The following AUTS2 variants were observed in gnomAD, a reference collection of about 807,000 sequenced individuals.
AUTS2 encodes activator of transcription and developmental regulator AUTS2.
A neutral mutation model predicts 112.4 loss-of-function variants in AUTS2; 17 were observed. The ratio of observed to expected loss-of-function variants is 0.15; its 90% CI spans 0.10 to 0.23. AUTS2 has a LOEUF of 0.23. Among genes scored for constraint, AUTS2 ranks in the 10% least tolerant of loss-of-function variants. AUTS2 has a pLI of 1.00. For synonymous variants in AUTS2, 751 were observed against 702.7 expected (o/e 1.07, Z -1.09); for missense variants, 1,510 against 1,701.6 (o/e 0.89, Z 1.98).
intron 5 of AUTS2, among the ~76,000 whole-genome samples, chr7:70,495,121 C>G (rs945749995): frequency 2.0e-5 from 3 of 151,472 alleles, no homozygotes; most frequent in Non-Finnish European, 4.4e-5. Flanking sequence ...TCCTTGGTCT[C>G]GTGCCGACCC....
At chr7:70,077,952 A>G (rs1401605871) in intron 2 of AUTS2, among the ~76,000 whole-genome samples, 1 of 152,150 alleles carries the variant, frequency 6.6e-6, no homozygotes, top group Non-Finnish European at 1.5e-5. Flanking sequence ...ATTCTGGAAG[A>G]TTTAATATTC....
At position 69,672,592 on chromosome 7, in the gene AUTS2, T is replaced by G. The variant is rs530133845; in HGVS notation, c.309+72630T>G. Among the ~76,000 whole-genome samples, 8 of 152,284 alleles carry G rather than the reference T, an allele frequency of 5.3e-5. No individual in the cohort carries two copies. In the South Asian group the frequency reaches 1.7e-3, roughly 32 times the overall value. Reference sequence around the variant, plus strand: ...AAGGACTGGCTTGAGCCAAGGACAATTTTTAGAACATGTCGAGGAGAGGAT... The same window carrying G: ...AAGGACTGGCTTGAGCCAAGGACAAGTTTTAGAACATGTCGAGGAGAGGAT... On this transcript the variant is annotated intron_variant, in intron 1 of 18. Coordinates refer to ENST00000342771, the MANE Select transcript of AUTS2 (RefSeq NM_015570.4).
At chr7:69,773,536 G>A (rs1487331280) in intron 1 of AUTS2, among the ~76,000 whole-genome samples, 6 of 149,648 alleles carry the variant, frequency 4.0e-5, no homozygotes, top group African/African-American at 4.9e-5. Flanking sequence ...GGCTACAACA[G>A]AAAGGCTTTT....
intron 5 of AUTS2, among the ~76,000 whole-genome samples, chr7:70,687,182 C>T (rs1308810395): frequency 2.6e-5 from 4 of 152,118 alleles, no homozygotes; most frequent in Non-Finnish European, 5.9e-5. Flanking sequence ...AAATGCAGGT[C>T]GCTAGACCCC....
At chr7:69,626,336 T>A (rs185339513) in intron 1 of AUTS2, among the ~76,000 whole-genome samples, 153 of 152,338 alleles carry the variant, frequency 1.0e-3, no homozygotes, top group East Asian at 2.9e-3. Context: ...TATTATTATT[T>A]TTTTTTGCTA....
chr7:70,381,084 A>G (rs1247720445), intron 4 of AUTS2, among the ~76,000 whole-genome samples: 2 of 152,220 alleles, frequency 1.3e-5, no homozygotes, highest in African/African-American at 2.4e-5. Context: ...CTCTCATCCA[A>G]CACTTTTGGT....
At chr7:70,513,738 G>A (rs1466503296) in intron 5 of AUTS2, among the ~76,000 whole-genome samples, 1 of 148,790 alleles carries the variant, frequency 6.7e-6, no homozygotes, top group East Asian at 2.0e-4. Flanking sequence ...TCGGCTCACT[G>A]CAACCTCTGC....
intron 4 of AUTS2, among the ~76,000 whole-genome samples, chr7:70,163,447 C>G (rs948661059): frequency 6.7e-6 from 1 of 149,772 alleles, no homozygotes; most frequent in Non-Finnish European, 1.5e-5. Flanking sequence ...AGATTTCGCT[C>G]TGTCATGCCC....
chr7:69,635,882 T>C (rs932627950), intron 1 of AUTS2, among the ~76,000 whole-genome samples: 1 of 152,242 alleles, frequency 6.6e-6, no homozygotes, highest in Admixed American at 6.5e-5. Context: ...AATCCTTTTT[T>C]GTGTGTGCCC....
At chr7:70,442,616 G>A (rs1231123555) in intron 5 of AUTS2, among the ~76,000 whole-genome samples, 1 of 152,000 alleles carries the variant, frequency 6.6e-6, no homozygotes, top group African/African-American at 2.4e-5. Flanking sequence ...TCAGCCTCCC[G>A]AGTAGCTGGG....
intron 2 of AUTS2, among the ~76,000 whole-genome samples, chr7:70,062,063 C>T (rs1055807877): frequency 1.3e-5 from 2 of 151,720 alleles, no homozygotes; most frequent in African/African-American, 2.4e-5. Flanking sequence ...GCTGGGATTA[C>T]AGGCGTGAGC....
At chr7:70,087,855 A>G (rs1803692732) in intron 2 of AUTS2, among the ~76,000 whole-genome samples, 1 of 152,148 alleles carries the variant, frequency 6.6e-6, no homozygotes. Flanking sequence ...AGTTTTCTTT[A>G]TAGGAAATTT....
intron 4 of AUTS2, among the ~76,000 whole-genome samples, chr7:70,142,919 C>T (rs764820042): frequency 1.1e-4 from 16 of 152,072 alleles, no homozygotes; most frequent in East Asian, 3.9e-4. Flanking sequence ...ATGTCAATTC[C>T]GGAGGTTTAC....
intron 3 of AUTS2, chr7:70,118,533 C>G (rs1193368862): frequency 1.0e-5 from 2 of 193,228 alleles, no homozygotes; most frequent in African/African-American, 4.7e-5. Flanking sequence ...AATCCCAGCA[C>G]TTTGGGAGGC....
At chr7:69,885,942 G>A (rs1458866668) in intron 1 of AUTS2, among the ~76,000 whole-genome samples, 1 of 152,212 alleles carries the variant, frequency 6.6e-6, no homozygotes, top group Non-Finnish European at 1.5e-5. Context: ...AGAGCTTGAA[G>A]AGTACGTATA....
At chr7:70,218,760 G>T (rs1811307596) in intron 4 of AUTS2, among the ~76,000 whole-genome samples, 1 of 152,134 alleles carries the variant, frequency 6.6e-6, no homozygotes, top group Admixed American at 6.6e-5. Context: ...GGGCCAGGGG[G>T]TTGCTCTTTT....
chr7:69,756,227 C>T (rs1180223409), intron 1 of AUTS2, among the ~76,000 whole-genome samples: 1 of 152,160 alleles, frequency 6.6e-6, no homozygotes, highest in Non-Finnish European at 1.5e-5. Context: ...TAGTCTTTTG[C>T]AGATGTGCTT....
intron 5 of AUTS2, among the ~76,000 whole-genome samples, chr7:70,615,223 G>C (rs1342137017): frequency 6.6e-6 from 1 of 152,194 alleles, no homozygotes; most frequent in Non-Finnish European, 1.5e-5. Context: ...TGATGGGGTG[G>C]AAGAGTGGGT....
intron 5 of AUTS2, among the ~76,000 whole-genome samples, chr7:70,676,878 A>C (rs1585488929): frequency 1.4e-5 from 1 of 69,102 alleles, no homozygotes; most frequent in African/African-American, 5.8e-5. Context: ...ATTCCATCTC[A>C]AAAAAAAAAG....
Sources: allele counts gnomAD v4.1 joint callset (sites outside exome capture counted in the v4.1 genomes callset), GRCh38; gene constraint gnomAD v4.1.1; transcripts MANE v1.5; gene names NCBI Gene and HGNC (gene_info 2026-07-23, HGNC 2026-07-21).